Variants in PLCL1 observed in about 807,000 individuals in gnomAD.
PLCL1 encodes inactive phospholipase C-like protein 1.
A neutral mutation model predicts 84.4 loss-of-function variants in PLCL1; 41 were observed. The ratio of observed to expected loss-of-function variants is 0.49; its 90% CI spans 0.38 to 0.63. PLCL1 has a LOEUF of 0.63. Ranked by LOEUF, PLCL1 falls within the 30% of genes least tolerant of loss-of-function variation. PLCL1 has a pLI of 0.00. For synonymous variants in PLCL1, 490 were observed against 488.3 expected, an observed-to-expected ratio of 1.00 and a Z score of -0.05; for missense variants, 1,206 against 1,367.8, an observed-to-expected ratio of 0.88 and a Z score of 1.87.
intron 1 of PLCL1, among the ~76,000 whole-genome samples, chr2:197,846,984 G>T (rs1362061722): frequency 6.6e-6 from 1 of 152,008 alleles, no homozygotes; most frequent in Non-Finnish European, 1.5e-5. Context: ...TAGTAGGCTG[G>T]GTCCTTGAAT....
intron 1 of PLCL1, among the ~76,000 whole-genome samples, chr2:198,000,952 G>C (rs1466776652): frequency 6.6e-6 from 1 of 152,074 alleles, no homozygotes; most frequent in East Asian, 1.9e-4. Flanking sequence ...ACTTAGTTAA[G>C]CTACTTAACT....
chr2:198,011,532 T>G (rs1690867762), intron 1 of PLCL1, among the ~76,000 whole-genome samples: 1 of 152,114 alleles, frequency 6.6e-6, no homozygotes, highest in Non-Finnish European at 1.5e-5. Context: ...TGGCCTAACA[T>G]GTGGTCTATT....
chr2:198,000,739 CT>C lies in PLCL1; in HGVS notation c.241-83007del, dbSNP rs111755074. 5.7e-3 allele frequency among the ~76,000 whole-genome samples: 831 copies of C among 145,076 alleles called. 5 individuals are homozygous for C. The highest frequency in any genetic ancestry group is 0.013 in the African/African-American group (531 of 39,632). On this transcript the variant is annotated intron_variant, in intron 1 of 5. Transcript: ENST00000428675. ...AACAACCTGCTATCACTTTATTTCC[CT>C]TTTTTTTTTTTATCTTGGAGACTTT...
intron 1 of PLCL1, among the ~76,000 whole-genome samples, chr2:197,840,733 G>A (rs1686980583): frequency 6.6e-6 from 1 of 152,198 alleles, no homozygotes; most frequent in Non-Finnish European, 1.5e-5. Flanking sequence ...TTAAGCTGAT[G>A]TGTGGCCCAA....
chr2:198,038,500 T>C (rs1035690815), intron 1 of PLCL1, among the ~76,000 whole-genome samples: 1 of 152,170 alleles, frequency 6.6e-6, no homozygotes, highest in Admixed American at 6.6e-5. Flanking sequence ...TATTTTGTAG[T>C]AAAAGTTCTT....
At chr2:197,913,619 C>G (rs542525667) in intron 1 of PLCL1, among the ~76,000 whole-genome samples, 9 of 152,286 alleles carry the variant, frequency 5.9e-5, no homozygotes, top group Admixed American at 5.2e-4. Context: ...TTTAGGTAAA[C>G]ATTTATCAGA....
chr2:198,052,587 A>G (rs1307558097), intron 1 of PLCL1, among the ~76,000 whole-genome samples: 1 of 152,106 alleles, frequency 6.6e-6, no homozygotes, highest in East Asian at 1.9e-4. Context: ...TTATTTCAGC[A>G]CCAACCAATA....
At chr2:197,971,775 C>G (rs1428996703) in intron 1 of PLCL1, among the ~76,000 whole-genome samples, 1 of 152,096 alleles carries the variant, frequency 6.6e-6, no homozygotes, top group Non-Finnish European at 1.5e-5. Flanking sequence ...GAATTTTTCT[C>G]CAGATGAGCA....
intron 1 of PLCL1, among the ~76,000 whole-genome samples, chr2:197,846,491 A>C (rs1023186149): frequency 6.6e-6 from 1 of 152,132 alleles, no homozygotes; most frequent in African/African-American, 2.4e-5. Flanking sequence ...ATATATTTTA[A>C]AAGTTAAAAT....
intron 5 of PLCL1, among the ~76,000 whole-genome samples, chr2:198,128,504 G>C (rs769102871): frequency 1.3e-5 from 2 of 152,092 alleles, no homozygotes; most frequent in African/African-American, 4.8e-5. Flanking sequence ...GGAAATCATG[G>C]GGCGTTACTG....
chr2:197,965,731 A>C (rs1235569553), intron 1 of PLCL1, among the ~76,000 whole-genome samples: 2 of 152,082 alleles, frequency 1.3e-5, no homozygotes, highest in African/African-American at 2.4e-5. Context: ...CATAGGTTTT[A>C]GTATGTTGTG....
At chr2:197,836,678 T>C (rs2105663447) in intron 1 of PLCL1, among the ~76,000 whole-genome samples, 1 of 152,296 alleles carries the variant, frequency 6.6e-6, no homozygotes, top group South Asian at 2.1e-4. Flanking sequence ...ATTGTTAAGT[T>C]ACATATTTTA....
chr2:197,857,527 A>C (rs1222160993), intron 1 of PLCL1, among the ~76,000 whole-genome samples: 3 of 152,174 alleles, frequency 2.0e-5, no homozygotes, highest in Non-Finnish European at 4.4e-5. Flanking sequence ...CAGTTTAGTG[A>C]GGTGAAAAGC....
intron 5 of PLCL1, among the ~76,000 whole-genome samples, chr2:198,133,962 A>C (rs1179331873): frequency 6.6e-6 from 1 of 152,168 alleles, no homozygotes; most frequent in Non-Finnish European, 1.5e-5. Context: ...TTGTAGTTAT[A>C]CAGAATGTCC....
At chr2:197,931,240 G>A (rs1182384062) in intron 1 of PLCL1, among the ~76,000 whole-genome samples, 1 of 152,166 alleles carries the variant, frequency 6.6e-6, no homozygotes, top group Non-Finnish European at 1.5e-5. Flanking sequence ...CCCCATAAAA[G>A]TGTTTAGATC....
At chr2:197,895,742 G>A (rs746451182) in intron 1 of PLCL1, among the ~76,000 whole-genome samples, 5 of 151,812 alleles carry the variant, frequency 3.3e-5, no homozygotes, top group East Asian at 1.9e-4. Flanking sequence ...GTGGAACTTC[G>A]CAATTTAGTG....
chr2:198,029,764 A>G (rs1191643357), intron 1 of PLCL1, among the ~76,000 whole-genome samples: 2 of 150,734 alleles, frequency 1.3e-5, no homozygotes, highest in Non-Finnish European at 3.0e-5. Context: ...GCAGTGGCGC[A>G]ATCTTGGCTC....
chr2:197,924,822 A>G (rs530224876), intron 1 of PLCL1, among the ~76,000 whole-genome samples: 1 of 152,218 alleles, frequency 6.6e-6, no homozygotes, highest in South Asian at 2.1e-4. Flanking sequence ...CAGGTATTAC[A>G]TCTAGAGTTT....
intron 1 of PLCL1, among the ~76,000 whole-genome samples, chr2:197,883,949 A>G (rs1687874219): frequency 6.6e-6 from 1 of 152,188 alleles, no homozygotes; most frequent in African/African-American, 2.4e-5. Flanking sequence ...AGAACAAAAC[A>G]CGAACTTTGG....
Sources: allele counts gnomAD v4.1 joint callset (sites outside exome capture counted in the v4.1 genomes callset), GRCh38; gene constraint gnomAD v4.1.1; transcripts MANE v1.5; gene names NCBI Gene and HGNC (gene_info 2026-07-23, HGNC 2026-07-21).